Variants in TAPT1 observed in about 807,000 individuals in gnomAD.
The protein encoded by TAPT1 is transmembrane anterior posterior transformation 1.
TAPT1 carries 28 observed loss-of-function variants against 65.6 expected under a neutral mutation model. The ratio of observed to expected loss-of-function variants is 0.43; its 90% CI spans 0.32 to 0.59. The LOEUF is 0.59. Ranked by LOEUF, TAPT1 falls within the 20% of genes least tolerant of loss-of-function variation. The pLI is 0.09. For missense variants in TAPT1, 563 were observed against 679.9 expected (o/e 0.83, Z 1.91); for synonymous variants, 278 against 245.2 (o/e 1.13, Z -1.25).
intron 3 of TAPT1, among the ~76,000 whole-genome samples, chr4:16,198,674 T>C (rs1749861038): frequency 6.6e-6 from 1 of 152,176 alleles, no homozygotes; most frequent in Non-Finnish European, 1.5e-5. Flanking sequence ...CACTTTTTGC[T>C]TGCTGAAAAG....
intron 1 of TAPT1, among the ~76,000 whole-genome samples, chr4:16,224,502 C>G (rs1751436222): frequency 6.6e-6 from 1 of 152,164 alleles, no homozygotes; most frequent in African/African-American, 2.4e-5. Context: ...TGAAATACTC[C>G]TGGAATTTGG....
rs1486646937 is a variant in TAPT1 at position 16,186,889 on chromosome 4, G to C, written c.749-11C>G. Reference sequence around the variant, plus strand: ...GAATTGCATGCAAAACTAATAGAAGGTCAAGGAAAAAACTTAAATTTGCTT... The same window carrying C: ...GAATTGCATGCAAAACTAATAGAAGCTCAAGGAAAAAACTTAAATTTGCTT... On this transcript the variant is annotated splice_polypyrimidine_tract_variant and intron_variant, in intron 5 of 13. Transcript: ENST00000405303. 1.9e-6 allele frequency: 3 copies of C among 1,561,348 alleles called. No individual in the cohort carries two copies. The highest frequency in any genetic ancestry group is 2.6e-6 in the Non-Finnish European group (3 of 1,140,790).
intron 3 of TAPT1, 83 bp downstream of exon 3, chr4:16,202,379 A>G (rs1750087428): frequency 3.5e-6 from 3 of 866,474 alleles, no homozygotes; most frequent in African/African-American, 1.7e-5. Context: ...AACTGTATGA[A>G]TTATCCTTAC....
chr4:16,217,069 G>A (rs761946132), intron 1 of TAPT1, among the ~76,000 whole-genome samples: 1 of 152,240 alleles, frequency 6.6e-6, no homozygotes, highest in Non-Finnish European at 1.5e-5. Context: ...TCCTTGGTCT[G>A]AGAATCCCCT....
At chr4:16,211,430 C>T (rs1408847010) in intron 2 of TAPT1, among the ~76,000 whole-genome samples, 1 of 152,060 alleles carries the variant, frequency 6.6e-6, no homozygotes, top group Admixed American at 6.6e-5. Flanking sequence ...GATATTTAAG[C>T]CTGGAATTAA....
intron 2 of TAPT1, among the ~76,000 whole-genome samples, chr4:16,203,405 TC>T (rs1377593115): frequency 3.3e-5 from 5 of 152,202 alleles, no homozygotes; most frequent in African/African-American, 1.2e-4. Context: ...TCTATCAAGT[TC>T]CTATGTTGGA....
chr4:16,188,410 A>T lies in TAPT1; in HGVS notation c.613-55T>A, dbSNP rs1017389692. 13 of 1,351,624 alleles carry T rather than the reference A, an allele frequency of 9.6e-6. No homozygotes were observed. The Middle Eastern group carries it at 1.6e-3, about 169-fold the overall frequency. 83.7% of individuals were successfully genotyped at this position (1,351,624 alleles called of 1,614,324 possible). On this transcript the variant is annotated intron_variant, in intron 4 of 13. Transcript: ENST00000405303. ...TCTTAATATTCCATTTAAATATATA[A>T]CTAAAATTGAGATATAGCTCAAATC...
At chr4:16,214,881 CA>C (rs1205660705) in intron 1 of TAPT1, among the ~76,000 whole-genome samples, 2 of 152,080 alleles carry the variant, frequency 1.3e-5, no homozygotes, top group African/African-American at 4.8e-5. Context: ...ATGTTCCCTC[CA>C]AAAAATGACA....
intron 13 of TAPT1, among the ~76,000 whole-genome samples, chr4:16,166,309 T>A (rs1176125043): frequency 6.6e-6 from 1 of 152,222 alleles, no homozygotes; most frequent in Non-Finnish European, 1.5e-5. Context: ...CTTGACATAG[T>A]GCATATTTAT....
intron 7 of TAPT1, among the ~76,000 whole-genome samples, chr4:16,185,370 ATT>A (rs879607371): frequency 5.6e-5 from 8 of 143,690 alleles, no homozygotes; most frequent in Admixed American, 7.0e-5. Context: ...AATCATCGTA[ATT>A]TTTTTTTTTT....
intron 2 of TAPT1, among the ~76,000 whole-genome samples, chr4:16,207,493 A>G (rs1411356521): frequency 6.6e-6 from 1 of 152,216 alleles, no homozygotes; most frequent in African/African-American, 2.4e-5. Context: ...ACTCCACTAG[A>G]CATTTAAATC....
At chr4:16,181,691 C>T (rs1021513035) in intron 7 of TAPT1, among the ~76,000 whole-genome samples, 2 of 152,138 alleles carry the variant, frequency 1.3e-5, no homozygotes, top group East Asian at 1.9e-4. Context: ...TCTCAGCCTC[C>T]GGAGTAGCTG....
intron 4 of TAPT1, chr4:16,190,831 T>C (rs1373092608): frequency 6.5e-6 from 1 of 154,916 alleles, no homozygotes; most frequent in Non-Finnish European, 1.5e-5. Context: ...CTAAAAACAT[T>C]ACTTACAAAA....
At chr4:16,175,439 T>C (rs766425233) in intron 9 of TAPT1, among the ~76,000 whole-genome samples, 1 of 152,136 alleles carries the variant, frequency 6.6e-6, no homozygotes, top group Non-Finnish European at 1.5e-5. Flanking sequence ...TTTTAAATAA[T>C]TGCCTTTTGA....
At chr4:16,205,696 T>C (rs894480993) in intron 2 of TAPT1, among the ~76,000 whole-genome samples, 2 of 151,894 alleles carry the variant, frequency 1.3e-5, no homozygotes, top group Non-Finnish European at 2.9e-5. Flanking sequence ...CACTAGATTT[T>C]GCCAGGCAGT....
At chr4:16,198,561 G>GA (rs769460538) in intron 3 of TAPT1, among the ~76,000 whole-genome samples, 13 of 112,516 alleles carry the variant, frequency 1.2e-4, no homozygotes, top group Admixed American at 5.5e-4. Context: ...ACAGGAGAGT[G>GA]AAAAAAAAAA....
chr4:16,215,004 A>T (rs1750853848), intron 1 of TAPT1, among the ~76,000 whole-genome samples: 1 of 152,140 alleles, frequency 6.6e-6, no homozygotes, highest in South Asian at 2.1e-4. Flanking sequence ...AGTAAAAAAT[A>T]TCCTTGGCCA....
At chr4:16,211,778 T>C (rs1750666546) in intron 2 of TAPT1, among the ~76,000 whole-genome samples, 1 of 152,170 alleles carries the variant, frequency 6.6e-6, no homozygotes, top group African/African-American at 2.4e-5. Context: ...TTCTATTTTC[T>C]TAAAAAAAAA....
At chr4:16,166,390 C>T (rs1467199908) in intron 13 of TAPT1, among the ~76,000 whole-genome samples, 2 of 152,270 alleles carry the variant, frequency 1.3e-5, no homozygotes, top group African/African-American at 4.8e-5. Flanking sequence ...TTCCACCCCA[C>T]TGCTGTATCC....
Sources: allele counts gnomAD v4.1 joint callset (sites outside exome capture counted in the v4.1 genomes callset), GRCh38; gene constraint gnomAD v4.1.1; transcripts MANE v1.5; gene names NCBI Gene and HGNC (gene_info 2026-07-23, HGNC 2026-07-21).